The following VRK2 variants were observed in gnomAD, a reference collection of about 807,000 sequenced individuals.
The protein encoded by VRK2 is serine/threonine-protein kinase VRK2.
In VRK2, 60 loss-of-function variants were observed where a neutral mutation model predicts 57.6. That is an observed-to-expected ratio of 1.04 (90% CI 0.85 to 1.29). VRK2 has a LOEUF of 1.29. Among genes scored for constraint, VRK2 ranks in the 50% most tolerant of loss-of-function variants. The probability of loss-of-function intolerance (pLI) is 0.00; values close to 1 mark genes in which losing one functional copy is unlikely to be tolerated. For missense variants in VRK2, 705 were observed against 588.1 expected, an observed-to-expected ratio of 1.20 and a Z score of -2.06; for synonymous variants, 231 against 199.2, an observed-to-expected ratio of 1.16 and a Z score of -1.35.
At chr2:58,009,293 T>C in intron 1 of VRK2, among the ~76,000 whole-genome samples, 1 of 152,132 alleles carries the variant, frequency 6.6e-6, no homozygotes, top group South Asian at 2.1e-4. Context: ...GGTATATACA[T>C]ACATTGCTAT....
chr2:58,054,943 G>T (rs991943942), intron 2 of VRK2, among the ~76,000 whole-genome samples: 7 of 152,166 alleles, frequency 4.6e-5, no homozygotes, highest in African/African-American at 1.7e-4. Flanking sequence ...TCTTTTAAAA[G>T]CATAGCCTTT....
At chr2:58,115,463 A>AT (rs1333807042) in intron 7 of VRK2, among the ~76,000 whole-genome samples, 5 of 152,128 alleles carry the variant, frequency 3.3e-5, no homozygotes, top group Admixed American at 6.5e-5. Flanking sequence ...ATAGTTTGTG[A>AT]TTTTTTAGGG....
intron 12 of VRK2, among the ~76,000 whole-genome samples, chr2:58,146,835 C>T (rs1682229568): frequency 6.6e-6 from 1 of 151,846 alleles, no homozygotes; most frequent in Non-Finnish European, 1.5e-5. Context: ...TGAAGTGTTT[C>T]CCTGTCAATG....
chr2:58,155,758 T>G (rs938893268), intron 12 of VRK2, among the ~76,000 whole-genome samples: 2 of 27,236 alleles, frequency 7.3e-5, no homozygotes, highest in African/African-American at 1.5e-4. Flanking sequence ...GCCCCCACCA[T>G]CCCCCCCACC....
chr2:58,137,477 C>A (rs1024274418), intron 10 of VRK2, among the ~76,000 whole-genome samples: 7 of 151,576 alleles, frequency 4.6e-5, no homozygotes, highest in Admixed American at 2.0e-4. Context: ...TTAGCACAAA[C>A]CATTTTATTG....
intron 1 of VRK2, among the ~76,000 whole-genome samples, chr2:57,940,778 G>A (rs1235958786): frequency 6.6e-6 from 1 of 151,928 alleles, no homozygotes; most frequent in African/African-American, 2.4e-5. Flanking sequence ...TTTCACATGA[G>A]GCAATGAAAC....
intron 2 of VRK2, among the ~76,000 whole-genome samples, chr2:58,056,564 T>A (rs1375258145): frequency 1.3e-5 from 2 of 152,098 alleles, no homozygotes; most frequent in Non-Finnish European, 1.5e-5. Context: ...ATCCAACCTG[T>A]TCTGCTTAGG....
intron 12 of VRK2, among the ~76,000 whole-genome samples, chr2:58,151,293 G>C (rs1336922693): frequency 1.3e-5 from 2 of 151,600 alleles, no homozygotes; most frequent in African/African-American, 4.8e-5. Context: ...GTAGTTATAT[G>C]TTCTTGGTTA....
intron 1 of VRK2, among the ~76,000 whole-genome samples, chr2:58,008,133 C>G (rs1358284402): frequency 6.6e-6 from 1 of 152,042 alleles, no homozygotes; most frequent in Non-Finnish European, 1.5e-5. Context: ...AGCATGTTTT[C>G]TAATCAGAGT....
intron 1 of VRK2, among the ~76,000 whole-genome samples, chr2:57,951,023 C>T (rs1486356751): frequency 6.6e-6 from 1 of 151,882 alleles, no homozygotes; most frequent in Non-Finnish European, 1.5e-5. Flanking sequence ...ACCCAGGAGG[C>T]AAAGGTTGCA....
intron 1 of VRK2, among the ~76,000 whole-genome samples, chr2:57,947,583 T>C (rs1470850685): frequency 6.6e-6 from 1 of 152,204 alleles, no homozygotes; most frequent in Admixed American, 6.5e-5. Flanking sequence ...CAGAGGGTAC[T>C]GTAAACAGTT....
chr2:58,159,040 C>A (rs1684558511), intron 12 of VRK2, among the ~76,000 whole-genome samples: 1 of 151,942 alleles, frequency 6.6e-6, no homozygotes, highest in African/African-American at 2.4e-5. Flanking sequence ...TTTGGTTTTG[C>A]CAAGAAAATT....
chr2:58,101,623 T>G (rs1673979994), intron 7 of VRK2, among the ~76,000 whole-genome samples: 1 of 151,702 alleles, frequency 6.6e-6, no homozygotes, highest in Non-Finnish European at 1.5e-5. Context: ...GTGCCACACT[T>G]TCTCTTTCTA....
intron 2 of VRK2, among the ~76,000 whole-genome samples, chr2:58,032,963 G>A (rs1411599591): frequency 6.6e-6 from 1 of 152,082 alleles, no homozygotes; most frequent in Non-Finnish European, 1.5e-5. Flanking sequence ...ACAAGACTCA[G>A]ATAAGTTGGT....
chr2:58,119,741 C>T (rs956852178), intron 7 of VRK2, among the ~76,000 whole-genome samples: 16 of 150,736 alleles, frequency 1.1e-4, no homozygotes, highest in African/African-American at 1.5e-4. Context: ...GAGAATATTT[C>T]GTAGAATTTT....
At chr2:58,152,355 A>G (rs1683199682) in intron 12 of VRK2, among the ~76,000 whole-genome samples, 1 of 151,822 alleles carries the variant, frequency 6.6e-6, no homozygotes, top group African/African-American at 2.4e-5. Context: ...ATGTGTAAGA[A>G]CCTTAAAAAT....
At chr2:58,077,282 C>T (rs1235940205) in intron 2 of VRK2, among the ~76,000 whole-genome samples, 8 of 152,008 alleles carry the variant, frequency 5.3e-5, no homozygotes. Flanking sequence ...CTAGAACACC[C>T]TATCAGTTCA....
At chr2:57,944,485 C>A (rs911751876) in intron 1 of VRK2, among the ~76,000 whole-genome samples, 7 of 152,138 alleles carry the variant, frequency 4.6e-5, no homozygotes, top group Admixed American at 2.0e-4. Context: ...GCCTGTAATC[C>A]CAACACTTCG....
chr2:58,099,646 T>TG (rs1222497608), intron 7 of VRK2, among the ~76,000 whole-genome samples: 1 of 152,060 alleles, frequency 6.6e-6, no homozygotes, highest in African/African-American at 2.4e-5. Context: ...TCAAAGAGGA[T>TG]GGCCCTCACA....
Sources: gnomAD v4.1 joint callset for allele counts (sites outside exome capture counted in the v4.1 genomes callset) on GRCh38, gnomAD v4.1.1 for gene constraint, MANE v1.5 for transcripts, NCBI Gene and HGNC (gene_info 2026-07-23, HGNC 2026-07-21) for gene names.